The following SCGB2B2 variants were observed in gnomAD, a reference collection of about 807,000 sequenced individuals.
SCGB2B2 encodes secretoglobin family 2B member 2, also known as secretoglobin-like protein.
Under a neutral mutation model 7.6 loss-of-function variants are expected in SCGB2B2, and 11 were observed. The observed-to-expected ratio is 1.45, with a 90% confidence interval of 0.91 to 2.40. The LOEUF (loss-of-function observed/expected upper bound fraction) is 2.40. Ranked by LOEUF, SCGB2B2 falls within the 30% of genes most tolerant of loss-of-function variation. The pLI is 0.00. For synonymous variants in SCGB2B2, 50 were observed against 48.6 expected, an observed-to-expected ratio of 1.03 and a Z score of -0.12; for missense variants, 104 against 115.4, an observed-to-expected ratio of 0.90 and a Z score of 0.45.
intron 1 of SCGB2B2, among the ~76,000 whole-genome samples, chr19:34,662,478 TAAAG>T (rs1158127730): frequency 6.8e-6 from 1 of 147,002 alleles, no homozygotes; most frequent in East Asian, 2.0e-4. Flanking sequence ...AAAATAACAA[TAAAG>T]AGATAAAAAT....
At chr19:34,625,127 AAAG>A (rs2066334668) in intron 1 of SCGB2B2, among the ~76,000 whole-genome samples, 1 of 152,164 alleles carries the variant, frequency 6.6e-6, no homozygotes, top group South Asian at 2.1e-4. Flanking sequence ...TAATATTATA[AAAG>A]AAGTGAGGTG....
At chr19:34,635,000 C>A in intron 1 of SCGB2B2, 1 of 290,266 alleles carries the variant, frequency 3.4e-6, no homozygotes, top group South Asian at 4.4e-5. Flanking sequence ...TTCCCACATT[C>A]AGTGCACTTA....
chr19:34,673,062 G>A (rs2067840508), intron 1 of SCGB2B2, among the ~76,000 whole-genome samples: 1 of 152,128 alleles, frequency 6.6e-6, no homozygotes, highest in Admixed American at 6.5e-5. Context: ...CTTCTCCAAA[G>A]TTCATATTCT....
downstream of SCGB2B2, among the ~76,000 whole-genome samples, chr19:34,590,565 A>C (rs1243525189): frequency 1.3e-5 from 2 of 152,232 alleles, no homozygotes; most frequent in Admixed American, 1.3e-4. Flanking sequence ...GAGGATGTGG[A>C]TGAGGCATTT....
intron 3 of SCGB2B2, 57 bp downstream of exon 3, chr19:34,594,104 CAAGTGCAGGGAAGT>C (rs2065372607): frequency 6.5e-6 from 8 of 1,239,904 alleles, no homozygotes; most frequent in Non-Finnish European, 8.1e-6. Flanking sequence ...GGATGGAAGG[CAAGTGCAGGGAAGT>C]GCAAGCCTGG....
chr19:34,651,352 A>C (rs1466257417), intron 1 of SCGB2B2, among the ~76,000 whole-genome samples: 1 of 151,008 alleles, frequency 6.6e-6, no homozygotes, highest in African/African-American at 2.5e-5. Flanking sequence ...AAAACCCCTA[A>C]AGCACCACCA....
intron 1 of SCGB2B2, among the ~76,000 whole-genome samples, chr19:34,598,963 C>T (rs1288056121): frequency 1.3e-5 from 2 of 152,256 alleles, no homozygotes; most frequent in African/African-American, 4.8e-5. Context: ...TTACCAAGTC[C>T]TGTGGTTCTC....
chr19:34,660,519 C>T (rs1022280154), intron 1 of SCGB2B2, among the ~76,000 whole-genome samples: 2 of 152,132 alleles, frequency 1.3e-5, no homozygotes, highest in African/African-American at 4.8e-5. Context: ...ATGCAGCCAA[C>T]AGATATATGA....
rs2065411215 is a variant in SCGB2B2, at chr19:34,595,046, A to C, written c.-483T>G. The C allele has an allele frequency of 6.0e-6, 1 of 167,936 alleles. No individual in the cohort carries two copies. Among genetic ancestry groups the C allele is most frequent in the Non-Finnish European group, 1.3e-5 (1 of 77,270 alleles). The allele number at this position is 167,936 out of a possible 1,614,324, so 10.4% of individuals were successfully genotyped here. ...AGCACATTAGGTGCAGCTTTTGAGAAATCAGTAAACTGTAATTTAGATTCA... is the reference window on the plus strand; with the variant it reads ...AGCACATTAGGTGCAGCTTTTGAGACATCAGTAAACTGTAATTTAGATTCA... On this transcript the variant is annotated 5_prime_UTR_variant, in exon 2 of 4. In the 5' UTR this introduces an upstream ATG that the reference lacks. Transcript: ENST00000601241.
rs371583669 is a variant in SCGB2B2 at position 34,594,236 on chromosome 19, T to A, written c.185A>T (p.Asn62Ile). The A allele has an allele frequency of 6.2e-6, 10 of 1,614,008 alleles. No homozygotes were observed. Among genetic ancestry groups the A allele is most frequent in the Non-Finnish European group, 8.5e-6 (10 of 1,179,984 alleles). ...PSPLTEESFL[N>I]VQQCFANVSV... ...GACATTGGCAAAGCATTGCTGGACATTGAGGAAGGACTCCTCTGTCAGGGG... is the reference window on the plus strand; with the variant it reads ...GACATTGGCAAAGCATTGCTGGACAATGAGGAAGGACTCCTCTGTCAGGGG... The change falls in exon 3 of 4, where the codon AAT (asparagine) becomes ATT (isoleucine). Residue 62 changes from asparagine (N) to isoleucine (I), a missense_variant. Coordinates refer to ENST00000601241, the MANE Select transcript of SCGB2B2 (RefSeq NM_001025591.4).
chr19:34,658,509 G>A (rs1219176124), intron 1 of SCGB2B2, among the ~76,000 whole-genome samples: 2 of 152,074 alleles, frequency 1.3e-5, no homozygotes, highest in Non-Finnish European at 2.9e-5. Flanking sequence ...AGAAGAAATG[G>A]ATAAATTCCT....
intron 1 of SCGB2B2, among the ~76,000 whole-genome samples, chr19:34,598,504 C>A (rs1401590574): frequency 6.6e-6 from 1 of 151,514 alleles, no homozygotes; most frequent in Non-Finnish European, 1.5e-5. Context: ...ACTTGGGCAT[C>A]CTGCAGAGGA....
Position 34,655,218 on chromosome 19 carries a change from C to T in SCGB2B2, c.-2032+20412G>A, listed in dbSNP as rs147988532. 3.4e-4 allele frequency among the ~76,000 whole-genome samples: 52 copies of T among 151,338 alleles called. No homozygotes were observed. In the East Asian group the frequency reaches 9.3e-3, roughly 27 times the overall value. On this transcript the variant is annotated intron_variant, in intron 1 of 3. Transcript: ENST00000601241. ...AAGATGGAAGGAGGAGTCAGACCTG[C>T]CTCATTATACCCAATTCCCTTTTGG...
chr19:34,614,099 G>T (rs972708371), intron 1 of SCGB2B2, among the ~76,000 whole-genome samples: 4 of 144,762 alleles, frequency 2.8e-5, no homozygotes, highest in African/African-American at 9.7e-5. Flanking sequence ...CCACTGGGAG[G>T]AACTTTCAGC....
rs1415667993 is a variant in SCGB2B2 at position 34,637,755 on chromosome 19, G to C, written c.-2032+37875C>G. On this transcript the variant is annotated intron_variant, in intron 1 of 3. Coordinates refer to ENST00000601241, the MANE Select transcript of SCGB2B2 (RefSeq NM_001025591.4). ...CTAGAGAGGAAAATAATGAATGTTT[G>C]GTTTGTCAAACCCGTAATTCTGGAA... is the stretch of plus-strand genomic sequence containing the variant. 3 of 152,238 alleles carry C rather than the reference G, an allele frequency of 2.0e-5. No individual in the cohort carries two copies. In the East Asian group the frequency reaches 5.8e-4, roughly 29 times the overall value. The allele number at this position is 152,238 out of a possible 1,614,324, so 9.4% of individuals were successfully genotyped here. A position where few individuals can be genotyped will look rare whatever the true frequency, so the allele number is the denominator to read the frequency against.
chr19:34,669,718 C>CACACACACACACACACACACACACACAA (rs1045143534), intron 1 of SCGB2B2, among the ~76,000 whole-genome samples: 6 of 152,036 alleles, frequency 3.9e-5, no homozygotes, highest in South Asian at 2.1e-4. Context: ...CCCACTTACA[C>CACACACACACACACACACACACACACAA]ACACACACAC....
downstream of SCGB2B2, among the ~76,000 whole-genome samples, chr19:34,588,538 T>A (rs142490748): frequency 1.0e-3 from 155 of 152,288 alleles, 1 homozygote; most frequent in African/African-American, 3.6e-3. Context: ...CTGCATAGGT[T>A]TTTGGAATTA....
chr19:34,624,826 TCCTCTCC>T (rs2066326455), intron 1 of SCGB2B2, among the ~76,000 whole-genome samples: 2 of 152,094 alleles, frequency 1.3e-5, no homozygotes, highest in African/African-American at 4.8e-5. Flanking sequence ...ATTGATAAAG[TCCTCTCC>T]ATCAAGCCTG....
intron 1 of SCGB2B2, among the ~76,000 whole-genome samples, chr19:34,653,229 CA>C (rs2067205951): frequency 6.6e-6 from 1 of 150,814 alleles, no homozygotes; most frequent in Admixed American, 6.6e-5. Context: ...GGACTATAGC[CA>C]AAAGTTGATG....
Sources: gnomAD v4.1 joint callset for allele counts (sites outside exome capture counted in the v4.1 genomes callset) on GRCh38, gnomAD v4.1.1 for gene constraint, MANE v1.5 for transcripts, NCBI Gene and HGNC (gene_info 2026-07-23, HGNC 2026-07-21) for gene names.